TTPAL: variants seen among roughly 807,000 people sequenced by gnomAD.
The protein encoded by TTPAL is alpha tocopherol transfer protein like.
A neutral mutation model predicts 28.7 loss-of-function variants in TTPAL; 21 were observed. That is an observed-to-expected ratio of 0.73 (90% confidence interval 0.52 to 1.06). The LOEUF is 1.06. Among genes scored for constraint, TTPAL ranks in the 50% least tolerant of loss-of-function variants. The pLI is 0.00. For synonymous variants in TTPAL, 169 were observed against 171.9 expected, an observed-to-expected ratio of 0.98 and a Z score of 0.13; for missense variants, 345 against 425.5, an observed-to-expected ratio of 0.81 and a Z score of 1.67.
intron 1 of TTPAL, chr20:44,478,650 AAGTTTCTT>A (rs1324465804): frequency 2.6e-5 from 4 of 152,236 alleles, no homozygotes; most frequent in African/African-American, 9.6e-5. Context: ...AACCATTGGT[AAGTTTCTT>A]ATATCTCTTT....
intron 2 of TTPAL, among the ~76,000 whole-genome samples, chr20:44,482,949 C>G (rs760813196): frequency 2.0e-4 from 31 of 152,080 alleles, no homozygotes; most frequent in Non-Finnish European, 4.4e-4. Flanking sequence ...CCTCTGCCTC[C>G]TGGGTTCAAG....
intron 1 of TTPAL, among the ~76,000 whole-genome samples, chr20:44,479,078 C>T (rs1231301327): frequency 1.3e-5 from 2 of 152,168 alleles, no homozygotes; most frequent in East Asian, 1.9e-4. Context: ...CGTGAGCCAC[C>T]GCGCCCGGCC....
Position 44,475,915 on chromosome 20 carries a change from T to C in TTPAL, c.-92T>C, listed in dbSNP as rs1395132697. On this transcript the variant is annotated 5_prime_UTR_variant, in exon 1 of 5. Coordinates refer to ENST00000262605, the MANE Select transcript of TTPAL (RefSeq NM_001039199.3). Reference sequence around the variant, plus strand: ...GAGGCCGGGCAGGCCGGGCAGGGAGTGCGGGTCGGTTCTGCGTGCGCTGCC... The same window carrying C: ...GAGGCCGGGCAGGCCGGGCAGGGAGCGCGGGTCGGTTCTGCGTGCGCTGCC... 6.6e-6 allele frequency: 1 copy of C among 152,012 alleles called. No individual in the cohort carries two copies. Among genetic ancestry groups the C allele is most frequent in the African/African-American group, 2.4e-5 (1 of 41,358 alleles). The allele number at this position is 152,012 out of a possible 1,614,324, so 9.4% of individuals were successfully genotyped here.
At chr20:44,489,162 CTTCA>C in intron 4 of TTPAL, 97 bp from the exon 5 acceptor site, 1 of 1,334,790 alleles carries the variant, frequency 7.5e-7, no homozygotes, top group South Asian at 1.5e-5. Flanking sequence ...CATTTCCTTT[CTTCA>C]TTCAACAGAT....
rs771503493 is a variant in TTPAL, at chr20:44,480,296, C to T, written c.297C>T (p.Leu99=). 8 of 1,614,178 alleles carry T rather than the reference C, an allele frequency of 5.0e-6. No individual in the cohort carries two copies. The highest frequency in any genetic ancestry group is 3.3e-5 in the South Asian group (3 of 91,088). The change falls in exon 2 of 5, where the codon CTC becomes CTT. Residue 99 remains leucine, a synonymous_variant. Coordinates refer to ENST00000262605, the MANE Select transcript of TTPAL (RefSeq NM_001039199.3). This position sits in a 1 kb window ranked among gnomAD's most constrained non-coding sequence, Gnocchi z 4.1. ...KFDYDRALQL[L]VNYHSCRRSW... ...ATTACGACCGGGCCCTGCAGCTCCT[C>T]GTCAACTACCACAGCTGTAGAAGAA...
At chr20:44,482,829 A>G (rs912235188) in intron 2 of TTPAL, among the ~76,000 whole-genome samples, 6 of 152,024 alleles carry the variant, frequency 3.9e-5, no homozygotes, top group East Asian at 1.9e-4. Context: ...CATCCTTACA[A>G]TACCTCCGTC....
chr20:44,487,331 A>C (rs2064161325), intron 4 of TTPAL, among the ~76,000 whole-genome samples: 1 of 151,476 alleles, frequency 6.6e-6, no homozygotes, highest in Admixed American at 6.6e-5. Flanking sequence ...AGTCTCCACT[A>C]CTCAGGAGGC....
At chr20:44,481,495 G>T (rs145119350) in intron 2 of TTPAL, among the ~76,000 whole-genome samples, 2 of 152,256 alleles carry the variant, frequency 1.3e-5, no homozygotes, top group South Asian at 2.1e-4. Context: ...CACCAAAAGC[G>T]TTATTAAACT....
intron 1 of TTPAL, among the ~76,000 whole-genome samples, chr20:44,478,963 G>T (rs1012563662): frequency 2.6e-5 from 4 of 151,932 alleles, no homozygotes; most frequent in African/African-American, 9.7e-5. Flanking sequence ...CTAATTTTTT[G>T]TATTTTTAGT....
chr20:44,486,746 T>A, intron 4 of TTPAL, 40 bp downstream of exon 4: 1 of 1,226,084 alleles, frequency 8.2e-7, no homozygotes. Context: ...TTTCTTTTCC[T>A]CTGTTGATTT....
rs1420323282 is a variant in TTPAL, at chr20:44,480,793, ATCT to A, written c.445+355_445+357del. On this transcript the variant is annotated intron_variant, in intron 2 of 4. Transcript: ENST00000262605. This position sits in a 1 kb window ranked among gnomAD's most constrained non-coding sequence, Gnocchi z 4.1. The stretch of plus-strand genomic sequence containing the variant: ...AGCCACACATTTCTGCCTTTTGCAT[ATCT>A]TCTTCACACTTTTTCTGTGTATGGC... Among the ~76,000 whole-genome samples, 1 of 152,078 alleles carries A rather than the reference ATCT, an allele frequency of 6.6e-6. No individual in the cohort carries two copies. Among genetic ancestry groups the A allele is most frequent in the Non-Finnish European group, 1.5e-5 (1 of 68,022 alleles).
At chr20:44,478,880 C>G (rs1247256281) in intron 1 of TTPAL, among the ~76,000 whole-genome samples, 1 of 152,166 alleles carries the variant, frequency 6.6e-6, no homozygotes, top group Non-Finnish European at 1.5e-5. Context: ...AGCTCTGCCT[C>G]CCGGGTTCAC....
intron 2 of TTPAL, among the ~76,000 whole-genome samples, chr20:44,482,661 T>C (rs145574335): frequency 7.1e-4 from 108 of 151,710 alleles, no homozygotes; most frequent in Middle Eastern, 3.4e-3. Flanking sequence ...AAGAGGCACA[T>C]AGATTTTGCT....
Position 44,486,661 on chromosome 20 carries a change from T to C in TTPAL, c.705T>C (p.Ile235=), listed in dbSNP as rs545943518. 2 of 1,613,558 alleles carry C rather than the reference T, an allele frequency of 1.2e-6. No individual in the cohort carries two copies. Among genetic ancestry groups the C allele is most frequent in the Admixed American group, 1.7e-5 (1 of 59,906 alleles). ...ATGAACCTCGAATATTTAAAGGCATTTTTGCCATCATAAAACCATTTCTAA... is the reference window on the plus strand; with the variant it reads ...ATGAACCTCGAATATTTAAAGGCATCTTTGCCATCATAAAACCATTTCTAA... ...VVNEPRIFKG[I]FAIIKPFLKE... Residue 235 remains isoleucine, a synonymous_variant, in exon 4 of 5, where the codon ATT becomes ATC. Coordinates refer to ENST00000262605, the MANE Select transcript of TTPAL (RefSeq NM_001039199.3).
chr20:44,479,399 G>GTTTTTT (rs869123576), intron 1 of TTPAL, among the ~76,000 whole-genome samples: 12 of 81,556 alleles, frequency 1.5e-4, no homozygotes, highest in South Asian at 4.4e-4. Context: ...AATCTGAGTT[G>GTTTTTT]TTTTTTTTTT....
chr20:44,480,022 T>G lies in TTPAL; in HGVS notation c.23T>G (p.Leu8Arg). 6.2e-7 allele frequency: 1 copy of G among 1,613,648 alleles called. No individual in the cohort carries two copies. Among genetic ancestry groups the G allele is most frequent in the Non-Finnish European group, 8.5e-7 (1 of 1,179,602 alleles). Reference sequence around the variant, plus strand: ...CTAATGTCCGAAGAAAGTGACTCTCTGAGAACCAGCCCTTCTGTGGCCTCA... The same window carrying G: ...CTAATGTCCGAAGAAAGTGACTCTCGGAGAACCAGCCCTTCTGTGGCCTCA... MSEESDS[L>R]RTSPSVASLS... The change falls in exon 2 of 5, where the codon CTG (leucine) becomes CGG (arginine). Residue 8 changes from leucine (L) to arginine (R), a missense_variant. Coordinates refer to ENST00000262605, the MANE Select transcript of TTPAL (RefSeq NM_001039199.3). The surrounding 1 kb of genome is among the most constrained non-coding windows in gnomAD (Gnocchi z 4.1).
At chr20:44,481,785 T>G (rs1190070308) in intron 2 of TTPAL, among the ~76,000 whole-genome samples, 1 of 152,216 alleles carries the variant, frequency 6.6e-6, no homozygotes, top group Non-Finnish European at 1.5e-5. Flanking sequence ...CCAAGACCAC[T>G]GTTAATGGCT....
rs1244304001 is a variant in TTPAL, at chr20:44,492,366, AC to A, written c.*2826del. 5.3e-5 allele frequency: 8 copies of A among 152,334 alleles called. No homozygotes were observed. Among genetic ancestry groups the A allele is most frequent in the Admixed American group, 4.6e-4 (7 of 15,272 alleles). The allele number at this position is 152,334 out of a possible 1,614,324, so 9.4% of individuals were successfully genotyped here. A position where few individuals can be genotyped will look rare whatever the true frequency, so the allele number is the denominator to read the frequency against. On this transcript the variant is annotated 3_prime_UTR_variant, in exon 5 of 5. Transcript: ENST00000262605. ...CCATTGCACAAACACTTGGAAATTA[AC>A]TTTTCCCTAAATTCAAGATAGTGTG... is the stretch of plus-strand genomic sequence containing the variant.
Position 44,489,406 on chromosome 20 carries a change from G to C in TTPAL, c.894G>C (p.Val298=), listed in dbSNP as rs919794643. Residue 298 remains valine, a synonymous_variant, in exon 5 of 5, where the codon GTG becomes GTC. Coordinates refer to ENST00000262605, the MANE Select transcript of TTPAL (RefSeq NM_001039199.3). ...AVLLASEDDF[V]KEFCQPVPAC... is the part of the protein sequence containing the mutation. ...TGCTGGCTTCAGAAGACGATTTTGT[G>C]AAAGAGTTCTGCCAACCTGTTCCTG... 5.6e-6 allele frequency: 9 copies of C among 1,614,170 alleles called. No homozygotes were observed. The highest frequency in any genetic ancestry group is 7.6e-6 in the Non-Finnish European group (9 of 1,180,028).
Sources: gnomAD v4.1 joint callset for allele counts (sites outside exome capture counted in the v4.1 genomes callset) on GRCh38, gnomAD v4.1.1 for gene constraint, Gnocchi (gnomAD v3.1) non-coding constraint, MANE v1.5 for transcripts, NCBI Gene and HGNC (gene_info 2026-07-23, HGNC 2026-07-21) for gene names.